Variants in CDH22 observed in about 807,000 individuals in gnomAD.
CDH22 encodes cadherin-22.
CDH22 carries 30 observed loss-of-function variants against 58.4 expected under a neutral mutation model. That is an observed-to-expected ratio of 0.51 (90% CI 0.38 to 0.70). The LOEUF (loss-of-function observed/expected upper bound fraction) is 0.70. CDH22 is among the 30% of genes least tolerant of loss of function. The pLI, the probability that CDH22 is intolerant of heterozygous loss-of-function variation, is 0.00. For missense variants in CDH22, 1,014 were observed against 1,233.9 expected, an observed-to-expected ratio of 0.82 and a Z score of 2.67; for synonymous variants, 513 against 558.2, an observed-to-expected ratio of 0.92 and a Z score of 1.14.
chr20:46,276,963 G>A (rs2086521439), intron 1 of CDH22, among the ~76,000 whole-genome samples: 1 of 152,242 alleles, frequency 6.6e-6, no homozygotes, highest in Admixed American at 6.5e-5. Flanking sequence ...CAGGGTGGCT[G>A]AGATGGCTGG....
chr20:46,261,816 T>C (rs1266013446), intron 1 of CDH22, among the ~76,000 whole-genome samples: 1 of 152,158 alleles, frequency 6.6e-6, no homozygotes, highest in Non-Finnish European at 1.5e-5. Flanking sequence ...GCAGGAGCTA[T>C]TGAGGCATGG....
rs893087452 is a variant in CDH22, at chr20:46,212,310, G to A, written c.1032+685C>T. 8.5e-5 allele frequency among the ~76,000 whole-genome samples: 13 copies of A among 152,218 alleles called. 1 individual carries two copies. Among genetic ancestry groups the A allele is most frequent in the Admixed American group, 7.2e-4 (11 of 15,286 alleles). On this transcript the variant is annotated intron_variant, in intron 6 of 11. Transcript: ENST00000537909. The stretch of plus-strand genomic sequence containing the variant: ...GGCCTATGACCACTTGTGGGCCAGT[G>A]CAGGGGACTTAGACCTCCCATGGGA...
chr20:46,233,803 G>A (rs537351192), intron 3 of CDH22, among the ~76,000 whole-genome samples: 27 of 152,330 alleles, frequency 1.8e-4, no homozygotes, highest in African/African-American at 5.8e-4. Context: ...CTCCTGTCCC[G>A]TTCCCCCCAG....
At chr20:46,189,291 C>T (rs939231486) in intron 8 of CDH22, among the ~76,000 whole-genome samples, 5 of 152,170 alleles carry the variant, frequency 3.3e-5, no homozygotes, top group Admixed American at 6.5e-5. Flanking sequence ...CTGGGAATGC[C>T]GGGTGAACCG....
At chr20:46,286,087 G>C (rs1007697664) in intron 1 of CDH22, among the ~76,000 whole-genome samples, 2 of 152,306 alleles carry the variant, frequency 1.3e-5, no homozygotes, top group South Asian at 4.1e-4. Flanking sequence ...GTGGTGGGGA[G>C]AGTTTTTCTA....
rs907074873 is a variant in CDH22, at chr20:46,241,486, T to C, written c.256-229A>G. ...TGCCCCTGGACTCTGCTTTCCCCTC[T>C]GCATTCAGAGCTATCAGCCTTGGAG... On this transcript the variant is annotated intron_variant, in intron 2 of 11. Transcript: ENST00000537909. This position sits in a 1 kb window ranked among gnomAD's most constrained non-coding sequence, Gnocchi z 5.2. Among the ~76,000 whole-genome samples the C allele has an allele frequency of 2.0e-5, 3 of 152,206 alleles. No homozygotes were observed. The highest frequency in any genetic ancestry group is 4.4e-5 in the Non-Finnish European group (3 of 68,026).
In CDH22 at chr20:46,235,615, C is replaced by T. The variant is rs148377454; in HGVS notation, c.550+5348G>A. ...GTCCCCATCTCAGCCGCAGTAGCTC[C>T]ATCCATTCAGTTGCTCAGGCCCAAA... On this transcript the variant is annotated intron_variant, in intron 3 of 11. Coordinates refer to ENST00000537909, the MANE Select transcript of CDH22 (RefSeq NM_021248.3). Among the ~76,000 whole-genome samples, 102 of 152,320 alleles carry T rather than the reference C, an allele frequency of 6.7e-4. 1 individual carries two copies. Among genetic ancestry groups the T allele is most frequent in the African/African-American group, 2.3e-3 (97 of 41,554 alleles).
chr20:46,203,385 G>C (rs1199715735), intron 7 of CDH22, among the ~76,000 whole-genome samples: 1 of 152,090 alleles, frequency 6.6e-6, no homozygotes, highest in Admixed American at 6.5e-5. Context: ...CGCATGGGTT[G>C]TGTATTTGGT....
intron 1 of CDH22, among the ~76,000 whole-genome samples, chr20:46,306,076 C>T (rs1033509907): frequency 3.9e-5 from 6 of 152,268 alleles, no homozygotes; most frequent in African/African-American, 9.6e-5. Flanking sequence ...TGCTACTCGG[C>T]GTCTCTGCTA....
intron 3 of CDH22, among the ~76,000 whole-genome samples, chr20:46,239,927 C>A (rs963408034): frequency 3.9e-5 from 6 of 152,148 alleles, no homozygotes; most frequent in African/African-American, 1.4e-4. Context: ...ATGGCCCTTT[C>A]TGAGTATGGT....
intron 1 of CDH22, among the ~76,000 whole-genome samples, chr20:46,277,372 C>T (rs928423181): frequency 2.0e-5 from 3 of 152,214 alleles, no homozygotes; most frequent in Non-Finnish European, 2.9e-5. Context: ...TCACAGCCTC[C>T]CTTGTCCTCT....
At chr20:46,190,208 CTTA>C (rs1196404186) in intron 8 of CDH22, among the ~76,000 whole-genome samples, 2 of 152,242 alleles carry the variant, frequency 1.3e-5, no homozygotes, top group African/African-American at 2.4e-5. Flanking sequence ...AACACTCTCT[CTTA>C]TTATGACCTC....
intron 8 of CDH22, among the ~76,000 whole-genome samples, chr20:46,199,180 C>T (rs1203745781): frequency 6.6e-6 from 1 of 152,258 alleles, no homozygotes; most frequent in Non-Finnish European, 1.5e-5. Flanking sequence ...CAGCCCTACT[C>T]CCTTGACTTG....
At chr20:46,212,951 AC>A (rs1270539897) in intron 6 of CDH22, 43 bp downstream of exon 6, 2 of 1,557,126 alleles carry the variant, frequency 1.3e-6, no homozygotes, top group Non-Finnish European at 1.8e-6. Flanking sequence ...TGATCCTCCC[AC>A]CCCTGAGGCC....
chr20:46,239,666 A>G (rs980413003), intron 3 of CDH22, among the ~76,000 whole-genome samples: 3 of 152,242 alleles, frequency 2.0e-5, no homozygotes, highest in African/African-American at 4.8e-5. Flanking sequence ...CGAGTCAGCA[A>G]TGGAGCGTGG....
intron 10 of CDH22, among the ~76,000 whole-genome samples, chr20:46,184,254 C>A (rs6074060): frequency 0.28 from 42,961 of 151,898 alleles, 6,098 homozygotes; most frequent in South Asian, 0.3. Context: ...ATGCGCCACC[C>A]TGCTGGACTA....
At position 46,251,196 on chromosome 20, in the gene CDH22, C is replaced by A; in HGVS notation, c.99G>T (p.Leu33=). 6.8e-7 allele frequency: 1 copy of A among 1,480,936 alleles called. No homozygotes were observed. 91.7% of individuals were successfully genotyped at this position (1,480,936 alleles called of 1,614,324 possible). Residue 33 remains leucine, a synonymous_variant, in exon 2 of 12, where the codon CTG becomes CTT. Transcript: ENST00000537909. The surrounding 1 kb of genome is among the most constrained non-coding windows in gnomAD (Gnocchi z 6.7). The stretch of plus-strand genomic sequence containing the variant: ...GTGTGCCCGCTGCCCACAGGCGCCC[C>A]AGCAGCGTCGGCGGCGGCGGCAGCA... ...LLLLPPPPTL[L]GRLWAAGTPS...
intron 1 of CDH22, among the ~76,000 whole-genome samples, chr20:46,267,622 C>G (rs1057383375): frequency 6.6e-6 from 1 of 152,268 alleles, no homozygotes; most frequent in African/African-American, 2.4e-5. Flanking sequence ...ACTCTCCCAA[C>G]CTCAGTCTTT....
At chr20:46,188,483 TC>T (rs144297715) in intron 8 of CDH22, among the ~76,000 whole-genome samples, 2,161 of 152,280 alleles carry the variant, frequency 0.014, 53 homozygotes, top group African/African-American at 0.05. Context: ...TTCGCCAAGG[TC>T]TGATTGCAAA....
Sources: allele counts gnomAD v4.1 joint callset (sites outside exome capture counted in the v4.1 genomes callset), GRCh38; gene constraint gnomAD v4.1.1; non-coding constraint Gnocchi (gnomAD v3.1); transcripts MANE v1.5; gene names NCBI Gene and HGNC (gene_info 2026-07-23, HGNC 2026-07-21).